Variants in TENM2 observed in about 807,000 individuals in gnomAD.
TENM2 encodes the protein teneurin-2.
TENM2 carries 52 observed loss-of-function variants against 245.2 expected under a neutral mutation model. The observed-to-expected ratio is 0.21, with a 90% CI of 0.17 to 0.27. The LOEUF (loss-of-function observed/expected upper bound fraction) is 0.27. Among genes scored for constraint, TENM2 ranks in the 10% least tolerant of loss-of-function variants. TENM2 has a pLI of 1.00. For missense variants in TENM2, 3,046 were observed against 3,666.8 expected, an observed-to-expected ratio of 0.83 and a Z score of 4.37; for synonymous variants, 1,363 against 1,438.9, an observed-to-expected ratio of 0.95 and a Z score of 1.19.
chr5:167,350,247 C>T (rs933688276), intron 1 of TENM2, among the ~76,000 whole-genome samples: 1 of 152,054 alleles, frequency 6.6e-6, no homozygotes, highest in African/African-American at 2.4e-5. Context: ...GACTAAATGG[C>T]AGTTATTGGC....
At chr5:167,105,351 C>T in the TENM2 span, among the ~76,000 whole-genome samples, 1 of 152,178 alleles carries the variant, frequency 6.6e-6, no homozygotes, top group African/African-American at 2.4e-5. Context: ...TAATTACACA[C>T]CTAATTAGGT....
At chr5:167,354,192 A>C (rs1271022623) in intron 1 of TENM2, among the ~76,000 whole-genome samples, 1 of 152,206 alleles carries the variant, frequency 6.6e-6, no homozygotes, top group Admixed American at 6.5e-5. Flanking sequence ...AGAGGATGCC[A>C]AGTCAACAAG....
intron 2 of TENM2, among the ~76,000 whole-genome samples, chr5:167,816,094 A>T (rs558789022): frequency 3.3e-5 from 5 of 151,656 alleles, no homozygotes; most frequent in African/African-American, 4.8e-5. Flanking sequence ...CAATAGAGAA[A>T]CCTTACCTTC....
At chr5:167,351,039 G>T (rs1309854365) in intron 1 of TENM2, among the ~76,000 whole-genome samples, 2 of 26,332 alleles carry the variant, frequency 7.6e-5, no homozygotes, top group African/African-American at 9.7e-5. Context: ...TATACATATG[G>T]ATATATATAT....
chr5:167,683,010 A>G (rs1384538134), intron 2 of TENM2, among the ~76,000 whole-genome samples: 2 of 152,180 alleles, frequency 1.3e-5, no homozygotes, highest in African/African-American at 4.8e-5. Flanking sequence ...ATTACCTATA[A>G]TAAGACTTGA....
At chr5:167,150,092 A>G in the TENM2 span, among the ~76,000 whole-genome samples, 1 of 152,172 alleles carries the variant, frequency 6.6e-6, no homozygotes, top group Non-Finnish European at 1.5e-5. Context: ...AAGTTAGAAA[A>G]GGGAGGGGAA....
intron 3 of TENM2, among the ~76,000 whole-genome samples, chr5:167,906,043 C>T (rs1368252842): frequency 1.3e-5 from 2 of 152,116 alleles, no homozygotes; most frequent in African/African-American, 4.8e-5. Context: ...TCATTATTAG[C>T]ACAGACTGTA....
the TENM2 span, among the ~76,000 whole-genome samples, chr5:167,021,143 A>C: frequency 1.1e-3 from 62 of 55,994 alleles, no homozygotes; most frequent in African/African-American, 2.5e-3. Context: ...AAAAATAAAA[A>C]TAAAATAAAA....
chr5:167,506,823 G>A (rs1200404478), intron 2 of TENM2, among the ~76,000 whole-genome samples: 1 of 152,144 alleles, frequency 6.6e-6, no homozygotes, highest in East Asian at 1.9e-4. Context: ...AAGATTTGCT[G>A]TATAGTATCT....
intron 2 of TENM2, among the ~76,000 whole-genome samples, chr5:167,625,148 A>G (rs1411391889): frequency 6.6e-6 from 1 of 152,106 alleles, no homozygotes; most frequent in Non-Finnish European, 1.5e-5. Context: ...GCTCATCATC[A>G]TCAGATATAT....
At chr5:167,652,539 T>A (rs1171225880) in intron 2 of TENM2, among the ~76,000 whole-genome samples, 2 of 152,118 alleles carry the variant, frequency 1.3e-5, no homozygotes. Context: ...CCCCCTTGAA[T>A]ATCTGGTCAG....
intron 12 of TENM2, among the ~76,000 whole-genome samples, chr5:168,155,892 TAAAAAAAAAA>T (rs55977607): frequency 0.018 from 1,780 of 96,932 alleles, 42 homozygotes; most frequent in African/African-American, 0.053. Flanking sequence ...CTGGCATCTG[TAAAAAAAAAA>T]AAAAAAAAAA....
chr5:167,420,462 A>G lies in TENM2; in HGVS notation c.502+44989A>G, dbSNP rs557875963. 4.6e-5 allele frequency among the ~76,000 whole-genome samples: 7 copies of G among 152,172 alleles called. No homozygotes were observed. The South Asian group carries it at 8.3e-4, about 18-fold the overall frequency. ...TCAGCAGGGGAGCCCTGGAAGTTCT[A>G]TGACCTCACCTCCTACCAGTATTCT... On this transcript the variant is annotated intron_variant, in intron 2 of 28. Transcript: ENST00000518659.
intron 2 of TENM2, among the ~76,000 whole-genome samples, chr5:167,823,417 ATG>A (rs1269675209): frequency 6.6e-6 from 1 of 152,140 alleles, no homozygotes; most frequent in Non-Finnish European, 1.5e-5. Context: ...GACACACACA[ATG>A]TACAAGTCTA....
chr5:167,539,080 T>C (rs1772028131), intron 2 of TENM2, among the ~76,000 whole-genome samples: 1 of 152,188 alleles, frequency 6.6e-6, no homozygotes, highest in Admixed American at 6.5e-5. Flanking sequence ...GTATCAATGC[T>C]GCAATTAGAT....
chr5:168,009,123 C>T (rs1000116250), intron 5 of TENM2, among the ~76,000 whole-genome samples: 7 of 152,206 alleles, frequency 4.6e-5, no homozygotes, highest in Non-Finnish European at 1.0e-4. Context: ...TTGGAATATA[C>T]ATTAAGACTC....
At chr5:167,706,084 G>C (rs1035635978) in intron 2 of TENM2, among the ~76,000 whole-genome samples, 1 of 143,626 alleles carries the variant, frequency 7.0e-6, no homozygotes, top group Non-Finnish European at 1.5e-5. Context: ...TACAGTGTGT[G>C]TATATATATA....
At chr5:167,801,119 T>A (rs1464952650) in intron 2 of TENM2, among the ~76,000 whole-genome samples, 1,406 of 47,554 alleles carry the variant, frequency 0.03, 10 homozygotes, top group Non-Finnish European at 0.033. Flanking sequence ...AATATATATA[T>A]ATATATATAT....
the TENM2 span, among the ~76,000 whole-genome samples, chr5:167,209,292 C>G: frequency 6.6e-6 from 1 of 151,078 alleles, no homozygotes; most frequent in African/African-American, 2.4e-5. Flanking sequence ...GAGATGGAGT[C>G]TCACTCTGTC....
Sources: gnomAD v4.1 joint callset for allele counts (sites outside exome capture counted in the v4.1 genomes callset) on GRCh38, gnomAD v4.1.1 for gene constraint, MANE v1.5 for transcripts, NCBI Gene and HGNC (gene_info 2026-07-23, HGNC 2026-07-21) for gene names.